AK9: variants seen among roughly 807,000 people sequenced by gnomAD.
AK9 encodes the protein adenylate kinase domain containing 1.
Under a neutral mutation model 239.6 loss-of-function variants are expected in AK9, and 191 were observed. The ratio of observed to expected loss-of-function variants is 0.80; its 90% confidence interval spans 0.71 to 0.90. The LOEUF is 0.90. Among genes scored for constraint, AK9 ranks in the 40% least tolerant of loss-of-function variants. The probability of loss-of-function intolerance (pLI) is 0.00; values close to 1 mark genes in which losing one functional copy is unlikely to be tolerated. For missense variants in AK9, 1,995 were observed against 2,214.7 expected, an observed-to-expected ratio of 0.90 and a Z score of 1.99; for synonymous variants, 689 against 721.0, an observed-to-expected ratio of 0.96 and a Z score of 0.71.
At chr6:109,589,081 A>G (rs1789887334) in intron 17 of AK9, among the ~76,000 whole-genome samples, 1 of 152,078 alleles carries the variant, frequency 6.6e-6, no homozygotes, top group Admixed American at 6.5e-5. Context: ...GTTCTGTACA[A>G]ATTTCACTAT....
At chr6:109,690,654 C>A (rs1774234385) in intron 1 of AK9, 1 of 152,172 alleles carries the variant, frequency 6.6e-6, no homozygotes, top group South Asian at 2.1e-4. Flanking sequence ...CACTTTTGTA[C>A]CTAATTTGGC....
intron 13 of AK9, among the ~76,000 whole-genome samples, chr6:109,617,185 T>C (rs1321950441): frequency 6.6e-6 from 1 of 152,072 alleles, no homozygotes; most frequent in Non-Finnish European, 1.5e-5. Context: ...CATGAGAAGA[T>C]CTAATAGTAA....
Position 109,514,351 on chromosome 6 carries a change from T to C in AK9, c.4152A>G (p.Leu1384=). 2 of 1,551,124 alleles carry C rather than the reference T, an allele frequency of 1.3e-6. No individual in the cohort carries two copies. The highest frequency in any genetic ancestry group is 1.7e-4 in the Middle Eastern group (1 of 5,960). Residue 1384 remains leucine (L), a synonymous_variant, in exon 32 of 41, where the codon TTA becomes TTG. Coordinates refer to ENST00000424296, the MANE Select transcript of AK9 (RefSeq NM_001145128.3). Reference sequence around the variant, plus strand: ...ATTTTTCTTTTGTTTCTTTACTAGATAAAAAATAAATATACTGACGATGGA... The same window carrying C: ...ATTTTTCTTTTGTTTCTTTACTAGACAAAAAATAAATATACTGACGATGGA... ...PVIHRQYIYF[L]SSKETKEKFM...
At chr6:109,588,834 C>T (rs1789861354) in intron 17 of AK9, among the ~76,000 whole-genome samples, 3 of 152,132 alleles carry the variant, frequency 2.0e-5, no homozygotes, top group African/African-American at 7.2e-5. Context: ...GAATGGGTGT[C>T]CTTTCCACAG....
chr6:109,534,227 A>G (rs968735549), intron 27 of AK9, among the ~76,000 whole-genome samples: 4 of 148,850 alleles, frequency 2.7e-5, no homozygotes, highest in Non-Finnish European at 4.4e-5. Flanking sequence ...TCTCAAAAAA[A>G]AAAAAGAAAA....
At chr6:109,650,230 C>A (rs1798721856) in intron 8 of AK9, among the ~76,000 whole-genome samples, 1 of 151,398 alleles carries the variant, frequency 6.6e-6, no homozygotes, top group South Asian at 2.1e-4. Context: ...CCAAAATTGA[C>A]AAATGGAATC....
At chr6:109,576,883 T>C (rs949329552) in intron 20 of AK9, among the ~76,000 whole-genome samples, 6 of 150,956 alleles carry the variant, frequency 4.0e-5, no homozygotes, top group African/African-American at 1.5e-4. Context: ...TAGGCTGGAG[T>C]GCAGTGGCAT....
At position 109,679,093 on chromosome 6, in the gene AK9, G is replaced by A. The variant is rs557373731; in HGVS notation, c.-11-3337C>T. On this transcript the variant is annotated intron_variant, in intron 1 of 40. Coordinates refer to ENST00000424296, the MANE Select transcript of AK9 (RefSeq NM_001145128.3). ...TTCATATCCCAGTGGCGCCTGGAAC[G>A]CCAGCGAGACAGAACTGTTCACTCC... 3.3e-5 allele frequency among the ~76,000 whole-genome samples: 5 copies of A among 152,116 alleles called. No homozygotes were observed. The South Asian group carries it at 1.0e-3, about 32-fold the overall frequency.
At chr6:109,622,957 C>T (rs1182739599) in intron 12 of AK9, among the ~76,000 whole-genome samples, 1 of 152,032 alleles carries the variant, frequency 6.6e-6, no homozygotes, top group Admixed American at 6.6e-5. Context: ...CCTAGGTACA[C>T]ATCGAAATTA....
At chr6:109,516,158 GTGAC>G in intron 30 of AK9, 83 bp from the exon 31 acceptor site, 1 of 1,180,406 alleles carries the variant, frequency 8.5e-7, no homozygotes, top group Non-Finnish European at 1.2e-6. Flanking sequence ...GACACTGCTG[GTGAC>G]TGACTACTTC....
chr6:109,671,753 TAAAAAC>T (rs2128335954), intron 5 of AK9, among the ~76,000 whole-genome samples, 160 bp downstream of exon 5: 1 of 152,194 alleles, frequency 6.6e-6, no homozygotes, highest in South Asian at 2.1e-4. Context: ...ATCTGAGAAA[TAAAAAC>T]AAGCAAATAA....
chr6:109,586,244 G>GT (rs759473401), intron 17 of AK9, among the ~76,000 whole-genome samples, 172 bp from the exon 18 acceptor site: 20 of 152,076 alleles, frequency 1.3e-4, no homozygotes, highest in Non-Finnish European at 5.9e-5. Flanking sequence ...CAATAAAATC[G>GT]TAAGTTTAAA....
chr6:109,615,411 TTC>T (rs1475329514), intron 13 of AK9, among the ~76,000 whole-genome samples: 1 of 152,182 alleles, frequency 6.6e-6, no homozygotes, highest in East Asian at 1.9e-4. Context: ...AATTAATAAA[TTC>T]ATTTTGTCCA....
At chr6:109,570,785 G>A (rs1337850432) in intron 21 of AK9, among the ~76,000 whole-genome samples, 1 of 152,160 alleles carries the variant, frequency 6.6e-6, no homozygotes, top group Non-Finnish European at 1.5e-5. Flanking sequence ...AGCAATAACT[G>A]AAGAAAGGCA....
At chr6:109,497,354 ACACACACACT>A (rs1777153552) in intron 38 of AK9, 101 bp downstream of exon 38, 8 of 605,346 alleles carry the variant, frequency 1.3e-5, no homozygotes, top group African/African-American at 2.6e-5. Context: ...ACACACACAC[ACACACACACT>A]CTCTCTCTCT....
At chr6:109,654,057 C>T (rs1292424729) in intron 8 of AK9, among the ~76,000 whole-genome samples, 1 of 152,116 alleles carries the variant, frequency 6.6e-6, no homozygotes, top group East Asian at 1.9e-4. Context: ...TCCATCTTTT[C>T]TCATGACTCA....
rs748153018 is a variant in AK9 at position 109,674,165 on chromosome 6, A to G, written c.181+33T>C. The G allele has an allele frequency of 2.7e-6, 4 of 1,502,402 alleles. No individual in the cohort carries two copies. In the South Asian group the frequency reaches 5.0e-5, roughly 19 times the overall value. The allele number at this position is 1,502,402 out of a possible 1,614,324, so 93.1% of individuals were successfully genotyped here. A position where few individuals can be genotyped will look rare whatever the true frequency, so the allele number is the denominator to read the frequency against. ...TTTATGAATATTTGAAAGTTTTCATAATAAAATATTAGAGAAAAAAGATAA... is the reference window on the plus strand; with the variant it reads ...TTTATGAATATTTGAAAGTTTTCATGATAAAATATTAGAGAAAAAAGATAA... On this transcript the variant is annotated intron_variant, in intron 3 of 40. Transcript: ENST00000424296.
intron 36 of AK9, 70 bp downstream of exon 36, chr6:109,498,974 C>T: frequency 4.5e-6 from 6 of 1,318,892 alleles, no homozygotes; most frequent in Non-Finnish European, 6.0e-6. Flanking sequence ...CCTATCCCTT[C>T]CTATTGATTG....
intron 20 of AK9, among the ~76,000 whole-genome samples, chr6:109,575,395 C>G (rs1787937869): frequency 6.6e-6 from 1 of 152,100 alleles, no homozygotes; most frequent in Non-Finnish European, 1.5e-5. Context: ...GGTGGTATGT[C>G]ACTATGGTTT....
Sources: gnomAD v4.1 joint callset for allele counts (sites outside exome capture counted in the v4.1 genomes callset) on GRCh38, gnomAD v4.1.1 for gene constraint, MANE v1.5 for transcripts, NCBI Gene and HGNC (gene_info 2026-07-23, HGNC 2026-07-21) for gene names.